The following RPL26L1 variants were observed in gnomAD, a reference collection of about 807,000 sequenced individuals.
RPL26L1 encodes the protein ribosomal protein uL24-like.
In RPL26L1, 8 loss-of-function variants were observed where a neutral mutation model predicts 15.2. The observed-to-expected ratio is 0.53, with a 90% CI of 0.31 to 0.95. The LOEUF (loss-of-function observed/expected upper bound fraction) is 0.95. RPL26L1 is among the 40% of genes least tolerant of loss of function. The probability of loss-of-function intolerance (pLI) is 0.05; values close to 1 mark genes in which losing one functional copy is unlikely to be tolerated. For synonymous variants in RPL26L1, 51 were observed against 65.9 expected (o/e 0.77, Z 1.09); for missense variants, 146 against 190.9 (o/e 0.76, Z 1.39).
chr5:172,957,145 A>G (rs989905923), upstream of RPL26L1: 1 of 455,342 alleles, frequency 2.2e-6, no homozygotes, highest in African/African-American at 2.0e-5. Context: ...GAGAAATAAA[A>G]AGACTCACCA....
upstream of RPL26L1, chr5:172,957,654 C>A (rs1581600654): frequency 1.3e-5 from 3 of 229,000 alleles, no homozygotes; most frequent in Non-Finnish European, 2.7e-5. Context: ...TGAATGAACT[C>A]CTTGGGGCAG....
In RPL26L1 at chr5:172,969,667, A is replaced by G. The variant is rs967858225; in HGVS notation, c.*126A>G. 1.8e-5 allele frequency: 17 copies of G among 965,668 alleles called. No individual in the cohort carries two copies. The highest frequency in any genetic ancestry group is 4.1e-5 in the South Asian group (2 of 49,270). The allele number at this position is 965,668 out of a possible 1,614,324, so 59.8% of individuals were successfully genotyped here. On this transcript the variant is annotated 3_prime_UTR_variant, in exon 4 of 4. Coordinates refer to ENST00000265100, the MANE Select transcript of RPL26L1 (RefSeq NM_016093.4). ...TTGTTACCTGTGCCTCTGTAAATCT[A>G]CTTTTGCAATTTTAAGTAATAATTT...
At chr5:172,957,799 A>G (rs375509600), upstream of RPL26L1, 1 of 164,942 alleles carries the variant, frequency 6.1e-6, no homozygotes, top group Non-Finnish European at 1.3e-5. Flanking sequence ...CTGCCCCCCA[A>G]CCTCCTTATT....
chr5:172,954,639 A>G (rs1156391080), upstream of RPL26L1: 1 of 255,600 alleles, frequency 3.9e-6, no homozygotes, highest in Admixed American at 4.7e-5. Flanking sequence ...GTGGAGAGGG[A>G]GAGAGACAGA....
intron 2 of RPL26L1, among the ~76,000 whole-genome samples, 162 bp from the exon 3 acceptor site, chr5:172,968,297 C>T (rs901513480): frequency 9.9e-5 from 15 of 152,076 alleles, no homozygotes; most frequent in African/African-American, 3.6e-4. Flanking sequence ...AACCATAGCA[C>T]AACACAGATT....
At chr5:172,957,035 A>G (rs1754996323), upstream of RPL26L1, 1 of 369,034 alleles carries the variant, frequency 2.7e-6, no homozygotes, top group African/African-American at 2.1e-5. Flanking sequence ...AAGAGGCTGA[A>G]TATCTTCTCC....
intron 2 of RPL26L1, among the ~76,000 whole-genome samples, chr5:172,968,187 A>C (rs751782326): frequency 3.3e-5 from 5 of 152,134 alleles, no homozygotes; most frequent in Non-Finnish European, 7.4e-5. Context: ...GTATATATAT[A>C]TAGTTCAGAG....
At chr5:172,965,275 T>C (rs1487187403) in intron 2 of RPL26L1, among the ~76,000 whole-genome samples, 1 of 152,246 alleles carries the variant, frequency 6.6e-6, no homozygotes, top group Non-Finnish European at 1.5e-5. Context: ...GGAGCTTTTT[T>C]GGTCCCTTAT....
chr5:172,961,299 G>A (rs368233996), intron 2 of RPL26L1, among the ~76,000 whole-genome samples: 1 of 152,172 alleles, frequency 6.6e-6, no homozygotes, highest in Admixed American at 6.5e-5. Context: ...CATCAGACAT[G>A]TTCTAGAATG....
intron 2 of RPL26L1, among the ~76,000 whole-genome samples, chr5:172,966,313 ATT>A (rs386405707): frequency 0.024 from 1,548 of 63,286 alleles, 3 homozygotes; most frequent in African/African-American, 0.098. Context: ...CTGGCTAACT[ATT>A]TTTTTTTTTT....
chr5:172,969,268 AT>A (rs1394025327), intron 3 of RPL26L1, 144 bp from the exon 4 acceptor site: 1 of 728,648 alleles, frequency 1.4e-6, no homozygotes, highest in Non-Finnish European at 2.3e-6. Context: ...CCTATTTTGT[AT>A]TGTGTTACAG....
upstream of RPL26L1, chr5:172,955,129 G>GTTTTTT (rs58150544): frequency 3.9e-5 from 9 of 228,396 alleles, no homozygotes; most frequent in Middle Eastern, 1.5e-3. Context: ...GCTGTGGTTA[G>GTTTTTT]TTTTTTTTTT....
chr5:172,961,626 A>G (rs1289977819), intron 2 of RPL26L1, among the ~76,000 whole-genome samples: 2 of 152,226 alleles, frequency 1.3e-5, no homozygotes, highest in Non-Finnish European at 2.9e-5. Context: ...CCACTACATT[A>G]TAGAACCTAC....
rs1230031562 is a variant in RPL26L1, at chr5:172,959,785, TGAG to T, written c.-9-76_-9-74del. 34 of 1,461,364 alleles carry T rather than the reference TGAG, an allele frequency of 2.3e-5. No individual in the cohort carries two copies. In the East Asian group the frequency reaches 7.1e-4, roughly 30 times the overall value. 90.5% of individuals were successfully genotyped at this position (1,461,364 alleles called of 1,614,324 possible). The stretch of plus-strand genomic sequence containing the variant: ...CCCCTGTAGAGCCTTTGTTGGGGGA[TGAG>T]GAGTGTCTTGGGTCGAGAACAGGCC... On this transcript the variant is annotated intron_variant, in intron 1 of 3. Coordinates refer to ENST00000265100, the MANE Select transcript of RPL26L1 (RefSeq NM_016093.4).
At chr5:172,954,404 T>G (rs941938146), upstream of RPL26L1, among the ~76,000 whole-genome samples, 4 of 135,562 alleles carry the variant, frequency 3.0e-5, no homozygotes, top group East Asian at 8.8e-4. Flanking sequence ...CCCGTCTCTA[T>G]AGAAAAAATA....
chr5:172,954,378 G>C (rs74627245), upstream of RPL26L1, among the ~76,000 whole-genome samples: 3,550 of 151,832 alleles, frequency 0.023, 147 homozygotes, highest in African/African-American at 0.08. Flanking sequence ...GACCAGTCTG[G>C]GCAACATGAT....
intron 2 of RPL26L1, among the ~76,000 whole-genome samples, chr5:172,965,190 A>G (rs1272626641): frequency 6.6e-6 from 1 of 152,122 alleles, no homozygotes; most frequent in Non-Finnish European, 1.5e-5. Flanking sequence ...TGTCTCAAAA[A>G]AAAAAGAAAG....
intron 1 of RPL26L1, 163 bp downstream of exon 1, chr5:172,959,631 C>T (rs947884333): frequency 9.7e-6 from 12 of 1,236,082 alleles, no homozygotes; most frequent in Non-Finnish European, 1.2e-5. Flanking sequence ...CCTCAAGGTC[C>T]CAGTGCTACC....
At chr5:172,957,482 A>G (rs1755014290), upstream of RPL26L1, 1 of 325,778 alleles carries the variant, frequency 3.1e-6, no homozygotes, top group Non-Finnish European at 6.1e-6. Context: ...TCTTTAATCA[A>G]GACCTGTACC....
Sources: gnomAD v4.1 joint callset for allele counts (sites outside exome capture counted in the v4.1 genomes callset) on GRCh38, gnomAD v4.1.1 for gene constraint, MANE v1.5 for transcripts, NCBI Gene and HGNC (gene_info 2026-07-23, HGNC 2026-07-21) for gene names.